EEPD1: variants seen among roughly 807,000 people sequenced by gnomAD.
The protein encoded by EEPD1 is endonuclease/exonuclease/phosphatase family domain-containing protein 1.
Under a neutral mutation model 46.3 loss-of-function variants are expected in EEPD1, and 17 were observed. That is an observed-to-expected ratio of 0.37 (90% confidence interval 0.25 to 0.55). The LOEUF (loss-of-function observed/expected upper bound fraction) is 0.55. Ranked by LOEUF, EEPD1 falls within the 20% of genes least tolerant of loss-of-function variation. The pLI is 0.83. For synonymous variants in EEPD1, 313 were observed against 315.6 expected (o/e 0.99, Z 0.09); for missense variants, 673 against 745.6 (o/e 0.90, Z 1.13).
intron 3 of EEPD1, among the ~76,000 whole-genome samples, chr7:36,243,196 A>C (rs1205092138): frequency 6.6e-6 from 1 of 152,224 alleles, no homozygotes; most frequent in East Asian, 1.9e-4. Flanking sequence ...TATGTGCTCG[A>C]AAGTTCAAGA....
rs543575686 is a variant in EEPD1, at chr7:36,281,431, G to A, written c.1041+206G>A. ...TTGGGAATGGACTCCTGCCAAGAAG[G>A]AAATGAGAGCTTAGGGTGTTGGGAG... On this transcript the variant is annotated intron_variant, in intron 4 of 7. Transcript: ENST00000242108. Among the ~76,000 whole-genome samples the A allele has an allele frequency of 2.6e-5, 4 of 152,284 alleles. No homozygotes were observed. The East Asian group carries it at 7.7e-4, about 29-fold the overall frequency.
chr7:36,177,523 G>A (rs1258097340), intron 2 of EEPD1, among the ~76,000 whole-genome samples: 4 of 152,112 alleles, frequency 2.6e-5, no homozygotes, highest in Non-Finnish European at 5.9e-5. Context: ...GGAGTATTTG[G>A]TTTCTGTTCC....
intron 3 of EEPD1, among the ~76,000 whole-genome samples, chr7:36,256,550 A>G (rs196553): frequency 0.71 from 107,715 of 152,052 alleles, 38,487 homozygotes; most frequent in Non-Finnish European, 0.76. Flanking sequence ...TCTTCTTGTC[A>G]CATTGATCCC....
intron 2 of EEPD1, among the ~76,000 whole-genome samples, chr7:36,164,345 T>A (rs911797204): frequency 2.0e-5 from 3 of 152,230 alleles, no homozygotes; most frequent in Non-Finnish European, 2.9e-5. Context: ...GCAACTGACA[T>A]AAACAGTTTA....
intron 3 of EEPD1, among the ~76,000 whole-genome samples, chr7:36,279,513 C>A (rs539438549): frequency 6.6e-6 from 1 of 152,176 alleles, no homozygotes; most frequent in Admixed American, 6.5e-5. Flanking sequence ...GGGGAAAGAC[C>A]AGACCTTTAG....
At chr7:36,191,115 C>G (rs1285562251) in intron 2 of EEPD1, among the ~76,000 whole-genome samples, 3 of 152,224 alleles carry the variant, frequency 2.0e-5, no homozygotes, top group Non-Finnish European at 4.4e-5. Context: ...ACACTGGTAT[C>G]AGGTCATGAA....
chr7:36,266,807 G>A (rs566683186), intron 3 of EEPD1, among the ~76,000 whole-genome samples: 3 of 152,196 alleles, frequency 2.0e-5, no homozygotes, highest in Non-Finnish European at 2.9e-5. Flanking sequence ...TACTCTGGAT[G>A]TCTTGTGCAA....
rs574306422 is a variant in EEPD1, at chr7:36,236,995, T to C, written c.879-1990T>C. Among the ~76,000 whole-genome samples, 10 of 152,348 alleles carry C rather than the reference T, an allele frequency of 6.6e-5. No homozygotes were observed. In the South Asian group the frequency reaches 1.4e-3, roughly 22 times the overall value. The stretch of plus-strand genomic sequence containing the variant: ...TGCTCTTCGCAATAAATCTTACTGC[T>C]GCTCCCTCTTTGGTTCCATGCTGCT... On this transcript the variant is annotated intron_variant, in intron 2 of 7. Transcript: ENST00000242108.
intron 2 of EEPD1, among the ~76,000 whole-genome samples, chr7:36,208,763 A>G (rs1434954341): frequency 6.6e-6 from 1 of 152,172 alleles, no homozygotes; most frequent in Non-Finnish European, 1.5e-5. Context: ...TGTGAGTTCC[A>G]CACAACTAAG....
chr7:36,293,481 T>G (rs1787479721), intron 6 of EEPD1, among the ~76,000 whole-genome samples: 1 of 152,136 alleles, frequency 6.6e-6, no homozygotes, highest in Non-Finnish European at 1.5e-5. Context: ...CAGGTGGAAC[T>G]CCAATTTCTG....
At chr7:36,165,443 A>G (rs1037974532) in intron 2 of EEPD1, among the ~76,000 whole-genome samples, 1 of 55,144 alleles carries the variant, frequency 1.8e-5, no homozygotes, top group Non-Finnish European at 3.3e-5. Flanking sequence ...TTTTTTTGAC[A>G]GAGCCTTGCT....
At chr7:36,289,408 C>T (rs1454766925) in intron 6 of EEPD1, among the ~76,000 whole-genome samples, 1 of 152,168 alleles carries the variant, frequency 6.6e-6, no homozygotes, top group Non-Finnish European at 1.5e-5. Context: ...CTAGGTGCCC[C>T]AAATAAGTAG....
At position 36,213,085 on chromosome 7, in the gene EEPD1, G is replaced by A. The variant is rs551060906; in HGVS notation, c.879-25900G>A. 2.3e-3 allele frequency among the ~76,000 whole-genome samples: 355 copies of A among 152,256 alleles called. 3 individuals carry two copies. The highest frequency in any genetic ancestry group is 7.6e-3 in the African/African-American group (314 of 41,548). ...GGAGAATGGCTTGTACCTGCGAGGC[G>A]GAGGTTGCAGTGAGCCCAGATCGTA... On this transcript the variant is annotated intron_variant, in intron 2 of 7. Coordinates refer to ENST00000242108, the MANE Select transcript of EEPD1 (RefSeq NM_030636.3).
intron 2 of EEPD1, among the ~76,000 whole-genome samples, chr7:36,177,655 C>T (rs1429747224): frequency 7.9e-5 from 12 of 152,002 alleles, no homozygotes; most frequent in Non-Finnish European, 1.2e-4. Context: ...TTTTCCAATT[C>T]GCTGTTCATG....
At chr7:36,183,318 G>A (rs1301914335) in intron 2 of EEPD1, among the ~76,000 whole-genome samples, 17 of 152,126 alleles carry the variant, frequency 1.1e-4, no homozygotes, top group Admixed American at 1.0e-3. Context: ...ATAAGGACCC[G>A]GTCAGTCTGA....
At position 36,198,337 on chromosome 7, in the gene EEPD1, G is replaced by GAAAAGAAAAAAAAAAA. The variant is rs1167920364; in HGVS notation, c.879-40643_879-40628dup. Among the ~76,000 whole-genome samples the GAAAAGAAAAAAAAAAA allele has an allele frequency of 4.6e-3, 98 of 21,084 alleles. No individual in the cohort carries two copies. The South Asian group carries it at 0.064, about 14-fold the overall frequency. 13.8% of individuals were successfully genotyped at this position (21,084 alleles called of 152,430 possible). Reference sequence around the variant, plus strand: ...ACCTGGTCTTAAGAAAAAAAAAAAAGAAAAGAAAAAAAAAAAAAAAAGAAA... The same window carrying GAAAAGAAAAAAAAAAA: ...ACCTGGTCTTAAGAAAAAAAAAAAAGAAAAGAAAAAAAAAAAAAAAGAAAAAAAAAAAAAAAAGAAA... On this transcript the variant is annotated intron_variant, in intron 2 of 7. Transcript: ENST00000242108.
At chr7:36,239,504 T>A (rs954192862) in intron 3 of EEPD1, among the ~76,000 whole-genome samples, 3 of 152,104 alleles carry the variant, frequency 2.0e-5, no homozygotes, top group Non-Finnish European at 4.4e-5. Context: ...ATCCCAATAG[T>A]TCCATTTCCA....
intron 2 of EEPD1, among the ~76,000 whole-genome samples, chr7:36,197,652 C>A (rs1308420876): frequency 2.0e-5 from 3 of 152,138 alleles, no homozygotes; most frequent in Non-Finnish European, 4.4e-5. Flanking sequence ...GCTGTGTCCA[C>A]TCAGGGTTAA....
chr7:36,182,391 G>A (rs1399949502), intron 2 of EEPD1, among the ~76,000 whole-genome samples: 3 of 152,232 alleles, frequency 2.0e-5, no homozygotes, highest in South Asian at 4.1e-4. Flanking sequence ...GTGGGGGCAC[G>A]GGGAGGGCTG....
Sources: allele counts gnomAD v4.1 joint callset (sites outside exome capture counted in the v4.1 genomes callset), GRCh38; gene constraint gnomAD v4.1.1; transcripts MANE v1.5; gene names NCBI Gene and HGNC (gene_info 2026-07-23, HGNC 2026-07-21).